The following UNC5A variants were observed in gnomAD, a reference collection of about 807,000 sequenced individuals.
UNC5A encodes unc-5 netrin receptor A.
A neutral mutation model predicts 87.4 loss-of-function variants in UNC5A; 20 were observed. The ratio of observed to expected loss-of-function variants is 0.23; its 90% CI spans 0.16 to 0.33. The LOEUF is 0.33. Among genes scored for constraint, UNC5A ranks in the 10% least tolerant of loss-of-function variants. The pLI is 1.00. For synonymous variants in UNC5A, 438 were observed against 482.3 expected (o/e 0.91, Z 1.20); for missense variants, 844 against 1,133.4 (o/e 0.74, Z 3.67).
rs1467424054 is a variant in UNC5A, at chr5:176,880,108, A to G, written c.*222A>G. 1.0e-5 allele frequency: 6 copies of G among 574,768 alleles called. No individual in the cohort carries two copies. The highest frequency in any genetic ancestry group is 3.8e-5 in the African/African-American group (2 of 53,104). The allele number at this position is 574,768 out of a possible 1,614,324, so 35.6% of individuals were successfully genotyped here. On this transcript the variant is annotated 3_prime_UTR_variant, in exon 15 of 15. Coordinates refer to ENST00000329542, the MANE Select transcript of UNC5A (RefSeq NM_133369.3). Reference sequence around the variant, plus strand: ...GGCACTGCCACTCACACTCGGCCCCAGGGCCCAGGAGGGACAGTGCCTGGA... The same window carrying G: ...GGCACTGCCACTCACACTCGGCCCCGGGGCCCAGGAGGGACAGTGCCTGGA...
At chr5:176,864,295 G>A (rs572956140) in intron 2 of UNC5A, among the ~76,000 whole-genome samples, 16 of 152,328 alleles carry the variant, frequency 1.1e-4, no homozygotes, top group African/African-American at 3.6e-4. Context: ...GAGCGAGAGC[G>A]AACCCCGGGG....
intron 2 of UNC5A, among the ~76,000 whole-genome samples, chr5:176,867,482 C>T (rs1018563023): frequency 1.5e-4 from 23 of 152,300 alleles, no homozygotes; most frequent in Admixed American, 3.3e-4. Context: ...GCTCACCCTT[C>T]GGATGCAGAC....
chr5:176,831,898 T>C (rs1757038390), intron 1 of UNC5A, among the ~76,000 whole-genome samples: 1 of 117,170 alleles, frequency 8.5e-6, no homozygotes, highest in South Asian at 2.7e-4. Flanking sequence ...TTTTTTTTTT[T>C]TTTTTTTTTT....
At position 176,875,943 on chromosome 5, in the gene UNC5A, G is replaced by A. The variant is rs1241889522; in HGVS notation, c.1379-1249G>A. Among the ~76,000 whole-genome samples, 1 of 152,258 alleles carries A rather than the reference G, an allele frequency of 6.6e-6. No individual in the cohort carries two copies. The highest frequency in any genetic ancestry group is 1.9e-4 in the East Asian group (1 of 5,196). ...CCTCATGGGGCTGTTGGGATGACGA[G>A]GTGAGACGGCATCTGTCAGCTCTTA... On this transcript the variant is annotated intron_variant, in intron 8 of 14. Transcript: ENST00000329542. The surrounding 1 kb of genome is among the most constrained non-coding windows in gnomAD (Gnocchi z 5.2).
intron 1 of UNC5A, among the ~76,000 whole-genome samples, chr5:176,813,387 A>G (rs1296234723): frequency 6.6e-6 from 1 of 152,208 alleles, no homozygotes; most frequent in Non-Finnish European, 1.5e-5. Flanking sequence ...CCATCCCCAT[A>G]CTTAGGGCTA....
chr5:176,854,936 G>A (rs1450507711), intron 1 of UNC5A, among the ~76,000 whole-genome samples: 2 of 152,242 alleles, frequency 1.3e-5, no homozygotes, highest in African/African-American at 4.8e-5. Flanking sequence ...GGAGGAGGGG[G>A]TGTTTGAGCA....
chr5:176,812,913 C>T (rs1477984902), intron 1 of UNC5A, among the ~76,000 whole-genome samples: 1 of 152,198 alleles, frequency 6.6e-6, no homozygotes, highest in Admixed American at 6.5e-5. Context: ...ACCCGGGCTC[C>T]TCCCGCGCTG....
chr5:176,867,982 A>C, intron 2 of UNC5A, 148 bp from the exon 3 acceptor site: 1 of 559,478 alleles, frequency 1.8e-6, no homozygotes, highest in Non-Finnish European at 2.6e-6. Flanking sequence ...TTAAAACTTA[A>C]AATATAATAA....
At chr5:176,867,815 C>T (rs1758011170) in intron 2 of UNC5A, among the ~76,000 whole-genome samples, 1 of 151,908 alleles carries the variant, frequency 6.6e-6, no homozygotes, top group African/African-American at 2.4e-5. Flanking sequence ...TACGGCAGCC[C>T]CTTTATGGAC....
At chr5:176,835,420 C>T (rs1581251988) in intron 1 of UNC5A, among the ~76,000 whole-genome samples, 1 of 152,346 alleles carries the variant, frequency 6.6e-6, no homozygotes, top group East Asian at 1.9e-4. Context: ...GAGAAATCCC[C>T]ATCCCGGATT....
At position 176,841,602 on chromosome 5, in the gene UNC5A, A is replaced by G. The variant is rs1452182133; in HGVS notation, c.71-21022A>G. Among the ~76,000 whole-genome samples the G allele has an allele frequency of 3.3e-5, 5 of 152,246 alleles. No homozygotes were observed. The highest frequency in any genetic ancestry group is 2.6e-4 in the Admixed American group (4 of 15,288). The stretch of plus-strand genomic sequence containing the variant: ...AATGAGAAGTTCTCTACAAATGTAC[A>G]TAGCACAAACCACAAAGATAAAAGT... On this transcript the variant is annotated intron_variant, in intron 1 of 14. Transcript: ENST00000329542. The surrounding 1 kb of genome is among the most constrained non-coding windows in gnomAD (Gnocchi z 4.1).
At chr5:176,877,763 C>T (rs1055843526) in intron 10 of UNC5A, 60 bp downstream of exon 10, 11 of 1,531,662 alleles carry the variant, frequency 7.2e-6, no homozygotes, top group South Asian at 1.2e-5. Context: ...ACGCTCCACC[C>T]GGCCTTCCAC....
At position 176,878,492 on chromosome 5, in the gene UNC5A, C is replaced by T. The variant is rs1181060250; in HGVS notation, c.2037C>T (p.His679=). Reference sequence around the variant, plus strand: ...CCCATCAGGAGATCCCCTTTTATCACATCTGGAATGGCACGCAGCGGTACT... The same window carrying T: ...CCCATCAGGAGATCCCCTTTTATCATATCTGGAATGGCACGCAGCGGTACT... The part of the protein sequence containing the change: ...LVSYQEIPFY[H]IWNGTQRYLH... Residue 679 remains histidine, a synonymous_variant, in exon 13 of 15, where the codon CAC becomes CAT. Coordinates refer to ENST00000329542, the MANE Select transcript of UNC5A (RefSeq NM_133369.3). 6.2e-7 allele frequency: 1 copy of T among 1,612,848 alleles called. No individual in the cohort carries two copies. The highest frequency in any genetic ancestry group is 1.3e-5 in the African/African-American group (1 of 74,924).
At position 176,878,069 on chromosome 5, in the gene UNC5A, C is replaced by A; in HGVS notation, c.1811C>A (p.Thr604Asn). 6.2e-7 allele frequency: 1 copy of A among 1,609,960 alleles called. No individual in the cohort carries two copies. The highest frequency in any genetic ancestry group is 8.5e-7 in the Non-Finnish European group (1 of 1,179,946). Residue 604 changes from threonine to asparagine, a missense_variant, in exon 11 of 15, where the codon ACC (threonine) becomes AAC (asparagine). By Grantham distance (65) the Thr-to-Asn change is moderately conservative. Coordinates refer to ENST00000329542, the MANE Select transcript of UNC5A (RefSeq NM_133369.3). Reference protein sequence around the residue: ...KLLLFAPVACTSLEYNIRVYC... With the variant: ...KLLLFAPVACNSLEYNIRVYC... ...CTTCTGTTTGCGCCGGTGGCCTGCA[C>A]CTCCCTCGAGTACAACATCCGGGTC...
At chr5:176,847,333 G>A (rs1005759782) in intron 1 of UNC5A, among the ~76,000 whole-genome samples, 6 of 152,208 alleles carry the variant, frequency 3.9e-5, no homozygotes, top group East Asian at 1.9e-4. Flanking sequence ...TTGTGCACAC[G>A]CATGTGGTCC....
At position 176,862,676 on chromosome 5, in the gene UNC5A, C is replaced by G. The variant is rs1031650235; in HGVS notation, c.123C>G (p.Asp41Glu). The change falls in exon 2 of 15, where the codon GAC becomes GAG. Residue 41 changes from aspartate to glutamate, a missense_variant. Transcript: ENST00000329542. Reference sequence around the variant, plus strand: ...ACCCAGTGCCTGGTGCCAACCCGGACCTGCTTCCCCACTTCCTGGTGGAGC... The same window carrying G: ...ACCCAGTGCCTGGTGCCAACCCGGAGCTGCTTCCCCACTTCCTGGTGGAGC... The part of the protein sequence containing the change: ...VANPVPGANP[D>E]LLPHFLVEPE... 6 of 1,613,530 alleles carry G rather than the reference C, an allele frequency of 3.7e-6. No individual in the cohort carries two copies. The African/African-American group carries it at 8.0e-5, about 22-fold the overall frequency.
chr5:176,859,604 G>A (rs74967324), intron 1 of UNC5A, among the ~76,000 whole-genome samples: 478 of 37,296 alleles, frequency 0.013, no homozygotes, highest in African/African-American at 0.022. Context: ...TAGAGGGCAT[G>A]GCTGCTACAA....
chr5:176,862,568 C>A, intron 1 of UNC5A, 56 bp from the exon 2 acceptor site: 1 of 1,537,750 alleles, frequency 6.5e-7, no homozygotes, highest in South Asian at 1.1e-5. Context: ...TGAGCCGCTG[C>A]CTCTACCCTG....
intron 1 of UNC5A, among the ~76,000 whole-genome samples, chr5:176,820,146 C>T (rs1756693138): frequency 6.6e-6 from 1 of 152,146 alleles, no homozygotes; most frequent in African/African-American, 2.4e-5. Context: ...GCCTGTAATC[C>T]CAGCATTTTG....
Sources: allele counts gnomAD v4.1 joint callset (sites outside exome capture counted in the v4.1 genomes callset), GRCh38; gene constraint gnomAD v4.1.1; non-coding constraint Gnocchi (gnomAD v3.1); transcripts MANE v1.5; gene names NCBI Gene and HGNC (gene_info 2026-07-23, HGNC 2026-07-21).